The following DLGAP2 variants were observed in gnomAD, a reference collection of about 807,000 sequenced individuals.
The protein encoded by DLGAP2 is DLG associated protein 2, also known as disks large-associated protein 2.
DLGAP2 carries 26 observed loss-of-function variants against 100.3 expected under a neutral mutation model. The ratio of observed to expected loss-of-function variants is 0.26; its 90% CI spans 0.19 to 0.36. The LOEUF (loss-of-function observed/expected upper bound fraction) is 0.36. Ranked by LOEUF, DLGAP2 falls within the 10% of genes least tolerant of loss-of-function variation. The probability of loss-of-function intolerance (pLI) is 1.00; values close to 1 mark genes in which losing one functional copy is unlikely to be tolerated. For missense variants in DLGAP2, 1,858 were observed against 1,453.2 expected (o/e 1.28, Z -4.53); for synonymous variants, 886 against 630.1 (o/e 1.41, Z -6.08).
At chr8:946,198 A>G (rs1371846156) in intron 2 of DLGAP2, among the ~76,000 whole-genome samples, 4 of 150,994 alleles carry the variant, frequency 2.6e-5, no homozygotes, top group Non-Finnish European at 4.4e-5. Flanking sequence ...TTGTCATCTG[A>G]TCTCCTGGGA....
chr8:1,459,688 T>TC (rs1425499435), intron 3 of DLGAP2, among the ~76,000 whole-genome samples: 2 of 146,910 alleles, frequency 1.4e-5, no homozygotes, highest in East Asian at 4.0e-4. Context: ...TGTTTTCTTT[T>TC]TTTTTTTTTT....
At chr8:835,609 C>T (rs111469588) in intron 1 of DLGAP2, among the ~76,000 whole-genome samples, 7 of 152,082 alleles carry the variant, frequency 4.6e-5, no homozygotes, top group African/African-American at 1.7e-4. Context: ...GGGCTTCTCT[C>T]CGCAGTGCAG....
chr8:979,703 C>A (rs1228064854), intron 2 of DLGAP2, among the ~76,000 whole-genome samples: 1 of 152,182 alleles, frequency 6.6e-6, no homozygotes, highest in East Asian at 1.9e-4. Context: ...GGCTATCCAC[C>A]CAAAATGACC....
At chr8:746,227 G>A (rs1820614728) in intron 1 of DLGAP2, among the ~76,000 whole-genome samples, 1 of 152,190 alleles carries the variant, frequency 6.6e-6, no homozygotes, top group East Asian at 1.9e-4. Context: ...CACCCCATGC[G>A]ACTTATTTAT....
At chr8:1,318,454 T>C (rs1585254834) in intron 3 of DLGAP2, among the ~76,000 whole-genome samples, 1 of 150,434 alleles carries the variant, frequency 6.6e-6, no homozygotes, top group Non-Finnish European at 1.5e-5. Context: ...GTATCTAGTA[T>C]ATGCCAGTTA....
At chr8:872,328 CTTTTCTTTTTTT>C (rs1365682698) in intron 1 of DLGAP2, among the ~76,000 whole-genome samples, 1 of 129,512 alleles carries the variant, frequency 7.7e-6, no homozygotes, top group Non-Finnish European at 1.6e-5. Flanking sequence ...TCTCTCACTT[CTTTTCTTTTTTT>C]TTTTTTTTTT....
intron 3 of DLGAP2, among the ~76,000 whole-genome samples, chr8:1,464,658 A>G (rs879368934): frequency 6.6e-6 from 1 of 152,126 alleles, no homozygotes; most frequent in Non-Finnish European, 1.5e-5. Flanking sequence ...GAGGGGAGAC[A>G]GGGCCAGGAA....
chr8:1,017,566 T>A (rs1160244289), intron 2 of DLGAP2, among the ~76,000 whole-genome samples: 1 of 134,614 alleles, frequency 7.4e-6, no homozygotes, highest in African/African-American at 3.1e-5. Context: ...ACTGTGTGTG[T>A]GACCAGGACA....
chr8:1,091,433 T>TATTTAGTAC (rs1804178565), intron 2 of DLGAP2, among the ~76,000 whole-genome samples: 1 of 152,200 alleles, frequency 6.6e-6, no homozygotes, highest in Non-Finnish European at 1.5e-5. Flanking sequence ...CGCTAACTAT[T>TATTTAGTAC]AAAAACATCT....
chr8:870,939 A>G (rs1254736566), intron 1 of DLGAP2, among the ~76,000 whole-genome samples: 1 of 152,066 alleles, frequency 6.6e-6, no homozygotes, highest in Non-Finnish European at 1.5e-5. Context: ...CATTCCCCTA[A>G]TTCCAAAATG....
chr8:1,700,331 G>C (rs1458791166), intron 14 of DLGAP2, among the ~76,000 whole-genome samples: 4 of 152,230 alleles, frequency 2.6e-5, no homozygotes, highest in Non-Finnish European at 4.4e-5. Flanking sequence ...TCCTGGGAAG[G>C]AAACAGCTGG....
chr8:874,390 A>G (rs966435506), intron 1 of DLGAP2, among the ~76,000 whole-genome samples: 5 of 152,124 alleles, frequency 3.3e-5, no homozygotes, highest in Middle Eastern at 3.4e-3. Context: ...ATAAGGTTTG[A>G]TGTGTTGAGT....
intron 6 of DLGAP2, among the ~76,000 whole-genome samples, chr8:1,625,428 C>T (rs893988359): frequency 1.8e-4 from 27 of 152,262 alleles, no homozygotes; most frequent in East Asian, 1.2e-3. Flanking sequence ...TTTCACAAAA[C>T]GGCGAGAAGG....
intron 6 of DLGAP2, among the ~76,000 whole-genome samples, chr8:1,590,813 A>G (rs1796268066): frequency 6.6e-6 from 1 of 152,192 alleles, no homozygotes; most frequent in Non-Finnish European, 1.5e-5. Flanking sequence ...CCTCTGGTCC[A>G]GAGCAGACAG....
chr8:1,204,647 C>T (rs948675473), intron 2 of DLGAP2, among the ~76,000 whole-genome samples: 2 of 152,130 alleles, frequency 1.3e-5, no homozygotes, highest in Admixed American at 6.5e-5. Flanking sequence ...TTGGCTGATT[C>T]GCCAAAGAAC....
At chr8:866,472 G>A (rs367816636) in intron 1 of DLGAP2, among the ~76,000 whole-genome samples, 49 of 152,270 alleles carry the variant, frequency 3.2e-4, no homozygotes, top group Middle Eastern at 3.4e-3. Flanking sequence ...TTCAGTTCCC[G>A]TCTGCATAGG....
intron 2 of DLGAP2, among the ~76,000 whole-genome samples, chr8:1,208,508 A>C (rs372711868): frequency 4.6e-5 from 7 of 152,192 alleles, no homozygotes; most frequent in African/African-American, 1.4e-4. Context: ...ATGACACACT[A>C]ACAGCCAACA....
At chr8:810,978 G>C (rs1486197656) in intron 1 of DLGAP2, among the ~76,000 whole-genome samples, 1 of 152,218 alleles carries the variant, frequency 6.6e-6, no homozygotes, top group African/African-American at 2.4e-5. Flanking sequence ...CGTACGGCGG[G>C]GTGAACTTGA....
At chr8:793,006 T>C (rs1406195644) in intron 1 of DLGAP2, among the ~76,000 whole-genome samples, 1 of 152,240 alleles carries the variant, frequency 6.6e-6, no homozygotes, top group Non-Finnish European at 1.5e-5. Context: ...ATGTGAGCTT[T>C]AGTTTCAGAA....
Sources: allele counts gnomAD v4.1 joint callset (sites outside exome capture counted in the v4.1 genomes callset), GRCh38; gene constraint gnomAD v4.1.1; transcripts MANE v1.5; gene names NCBI Gene and HGNC (gene_info 2026-07-23, HGNC 2026-07-21).